The following ARHGAP5 variants were observed in gnomAD, a reference collection of about 807,000 sequenced individuals.
ARHGAP5 encodes Rho GTPase activating protein 5.
In ARHGAP5, 23 loss-of-function variants were observed where a neutral mutation model predicts 116.6. That is an observed-to-expected ratio of 0.20 (90% CI 0.14 to 0.28). ARHGAP5 has a LOEUF of 0.28. ARHGAP5 is among the 10% of genes least tolerant of loss of function. The probability of loss-of-function intolerance (pLI) is 1.00; values close to 1 mark genes in which losing one functional copy is unlikely to be tolerated. For synonymous variants in ARHGAP5, 574 were observed against 602.0 expected (o/e 0.95, Z 0.68); for missense variants, 1,405 against 1,774.8 (o/e 0.79, Z 3.74).
At position 32,157,825 on chromosome 14, in the gene ARHGAP5, TTTG is replaced by T. The variant is rs1191971796; in HGVS notation, c.*2880_*2882del. On this transcript the variant is annotated 3_prime_UTR_variant, in exon 7 of 7. Transcript: ENST00000345122. ...ACCTGGGTTTTTTTGTTTATTTGGG[TTTG>T]TTTTTTTTTTTGAGGTACTGGAATC... 25 of 150,714 alleles carry T rather than the reference TTTG, an allele frequency of 1.7e-4. No homozygotes were observed. Among genetic ancestry groups the T allele is most frequent in the African/African-American group, 6.1e-4 (25 of 41,234 alleles). 9.3% of individuals were successfully genotyped at this position (150,714 alleles called of 1,614,324 possible).
chr14:32,091,335 T>G lies in ARHGAP5; in HGVS notation c.666T>G (p.Leu222=). 1 of 1,613,562 alleles carries G rather than the reference T, an allele frequency of 6.2e-7. No homozygotes were observed. The highest frequency in any genetic ancestry group is 8.5e-7 in the Non-Finnish European group (1 of 1,179,650). ...CATTTGCTTCAAATAAAAAGAACCT[T>G]CTTGTAGTGGAAACATCAGCACGAT... The part of the protein sequence containing the change: ...VQAFASNKKN[L]LVVETSARFN... Residue 222 remains leucine, a synonymous_variant, in exon 2 of 7, where the codon CTT becomes CTG. Coordinates refer to ENST00000345122, the MANE Select transcript of ARHGAP5 (RefSeq NM_001030055.2).
intron 3 of ARHGAP5, among the ~76,000 whole-genome samples, chr14:32,128,651 G>A (rs577460574): frequency 1.1e-4 from 17 of 152,326 alleles, no homozygotes; most frequent in Non-Finnish European, 2.2e-4. Flanking sequence ...CCCAGGCCCC[G>A]GCTGCTCCAT....
At chr14:32,144,963 G>A (rs570737121) in intron 3 of ARHGAP5, among the ~76,000 whole-genome samples, 11 of 152,146 alleles carry the variant, frequency 7.2e-5, no homozygotes, top group Non-Finnish European at 1.3e-4. Flanking sequence ...TATCATTCAA[G>A]TTGACATTTT....
chr14:32,151,509 A>G (rs965734521), intron 5 of ARHGAP5, among the ~76,000 whole-genome samples: 5 of 152,406 alleles, frequency 3.3e-5, no homozygotes, highest in Middle Eastern at 3.4e-3. Context: ...TATTTAGGCT[A>G]TCGCCAGTTT....
intron 2 of ARHGAP5, among the ~76,000 whole-genome samples, chr14:32,107,418 G>A (rs188653541): frequency 4.3e-4 from 66 of 151,730 alleles, no homozygotes; most frequent in African/African-American, 1.5e-3. Flanking sequence ...ATAGTACTTC[G>A]TATATTAACA....
At chr14:32,140,110 TTTTC>T (rs1881043071) in intron 3 of ARHGAP5, among the ~76,000 whole-genome samples, 1 of 137,808 alleles carries the variant, frequency 7.3e-6, no homozygotes. Context: ...TTTTTTTTTT[TTTTC>T]CTTTTTTTTT....
chr14:32,127,636 A>G (rs1880238423), intron 3 of ARHGAP5, among the ~76,000 whole-genome samples: 1 of 152,152 alleles, frequency 6.6e-6, no homozygotes, highest in Admixed American at 6.5e-5. Flanking sequence ...CCCCTTTTCT[A>G]TTCGACAAAA....
chr14:32,125,497 G>C (rs1362141560), intron 3 of ARHGAP5, among the ~76,000 whole-genome samples: 1 of 152,172 alleles, frequency 6.6e-6, no homozygotes, highest in Non-Finnish European at 1.5e-5. Flanking sequence ...TGGGTACCTA[G>C]GAGTAGAATA....
At chr14:32,153,028 T>C (rs1468825048) in intron 6 of ARHGAP5, among the ~76,000 whole-genome samples, 1 of 146,696 alleles carries the variant, frequency 6.8e-6, no homozygotes, top group African/African-American at 2.5e-5. Context: ...ACTGGCATTT[T>C]AATGAACTGT....
At chr14:32,129,341 T>C (rs1443009670) in intron 3 of ARHGAP5, among the ~76,000 whole-genome samples, 1 of 152,174 alleles carries the variant, frequency 6.6e-6, no homozygotes. Context: ...TATTACTGTA[T>C]TTGCCAGAAT....
chr14:32,141,621 T>C (rs982798360), intron 3 of ARHGAP5, among the ~76,000 whole-genome samples: 1 of 152,208 alleles, frequency 6.6e-6, no homozygotes, highest in Non-Finnish European at 1.5e-5. Context: ...TTCAAGTTAC[T>C]GTCTAGTGCC....
intron 3 of ARHGAP5, among the ~76,000 whole-genome samples, chr14:32,140,503 C>T (rs1032261337): frequency 5.9e-5 from 9 of 151,910 alleles, no homozygotes; most frequent in Admixed American, 2.0e-4. Context: ...GGCAGGAGAA[C>T]GGTGTGAACC....
chr14:32,111,440 G>T (rs992295298), intron 2 of ARHGAP5, among the ~76,000 whole-genome samples: 1 of 152,186 alleles, frequency 6.6e-6, no homozygotes, highest in African/African-American at 2.4e-5. Flanking sequence ...TGAGAACTGA[G>T]AACTAATTAT....
intron 1 of ARHGAP5, among the ~76,000 whole-genome samples, chr14:32,088,060 T>C (rs1314992171): frequency 1.3e-5 from 2 of 152,046 alleles, no homozygotes; most frequent in East Asian, 1.9e-4. Flanking sequence ...TCTTAACATA[T>C]AGAGTATATC....
chr14:32,132,335 GT>G (rs1880548292), intron 3 of ARHGAP5, among the ~76,000 whole-genome samples: 1 of 152,196 alleles, frequency 6.6e-6, no homozygotes, highest in South Asian at 2.1e-4. Flanking sequence ...CTGATGGCCA[GT>G]GATAGTGAGC....
intron 4 of ARHGAP5, among the ~76,000 whole-genome samples, chr14:32,148,287 T>C (rs1468339850): frequency 6.6e-6 from 1 of 152,254 alleles, no homozygotes; most frequent in African/African-American, 2.4e-5. Context: ...CTTCCAGTAA[T>C]GAATGCATGG....
At position 32,155,034 on chromosome 14, in the gene ARHGAP5, T is replaced by C; in HGVS notation, c.*86T>C. On this transcript the variant is annotated 3_prime_UTR_variant, in exon 7 of 7. Coordinates refer to ENST00000345122, the MANE Select transcript of ARHGAP5 (RefSeq NM_001030055.2). The stretch of plus-strand genomic sequence containing the variant: ...TCAGGGTTCAGTAGTATACTTCATG[T>C]TTCATACAGATAATTCACATTCAAA... The C allele has an allele frequency of 8.8e-7, 1 of 1,130,748 alleles. No individual in the cohort carries two copies. The highest frequency in any genetic ancestry group is 2.4e-5 in the East Asian group (1 of 41,824). 70.0% of individuals were successfully genotyped at this position (1,130,748 alleles called of 1,614,324 possible).
chr14:32,126,070 T>A lies in ARHGAP5; in HGVS notation c.3865+8783T>A, dbSNP rs1880138098. Among the ~76,000 whole-genome samples the A allele has an allele frequency of 2.0e-5, 3 of 152,214 alleles. No homozygotes were observed. In the South Asian group the frequency reaches 6.2e-4, roughly 32 times the overall value. On this transcript the variant is annotated intron_variant, in intron 3 of 6. Transcript: ENST00000345122. Reference sequence around the variant, plus strand: ...GGATACCTTTACTTTCAAATCTGAATGCTTTCTATTTCTTTGTCTTGCCTA... The same window carrying A: ...GGATACCTTTACTTTCAAATCTGAAAGCTTTCTATTTCTTTGTCTTGCCTA...
chr14:32,100,405 C>G (rs1878739059), intron 2 of ARHGAP5, among the ~76,000 whole-genome samples: 1 of 152,024 alleles, frequency 6.6e-6, no homozygotes, highest in South Asian at 2.1e-4. Context: ...CACTATGTTG[C>G]CCAGGCTGAT....
Sources: allele counts gnomAD v4.1 joint callset (sites outside exome capture counted in the v4.1 genomes callset), GRCh38; gene constraint gnomAD v4.1.1; transcripts MANE v1.5; gene names NCBI Gene and HGNC (gene_info 2026-07-23, HGNC 2026-07-21).